The following DRICH1 variants were observed in gnomAD, a reference collection of about 807,000 sequenced individuals.
DRICH1 encodes the protein aspartate-rich protein 1.
In DRICH1, 38 loss-of-function variants were observed where a neutral mutation model predicts 39.5. The observed-to-expected ratio is 0.96, with a 90% CI of 0.74 to 1.26. The LOEUF is 1.26. DRICH1 is among the 50% of genes most tolerant of loss of function. DRICH1 has a pLI of 0.00. For missense variants in DRICH1, 279 were observed against 270.4 expected (o/e 1.03, Z -0.22); for synonymous variants, 84 against 99.5 (o/e 0.84, Z 0.93).
At position 23,608,761 on chromosome 22, in the gene DRICH1, G is replaced by A. The variant is rs943445714; in HGVS notation, c.*3C>T. On this transcript the variant is annotated 3_prime_UTR_variant, in exon 12 of 12. Coordinates refer to ENST00000317749, the MANE Select transcript of DRICH1 (RefSeq NM_016449.4). ...GCACCCTGGTCAGCTCCACAGAAGG[G>A]CTTCACCCTGGATGAAGAGATAATC... The A allele has an allele frequency of 1.3e-5, 21 of 1,560,082 alleles. No homozygotes were observed. The highest frequency in any genetic ancestry group is 1.9e-5 in the Admixed American group (1 of 52,146).
At chr22:23,628,304 C>T (rs1443600069) in intron 1 of DRICH1, among the ~76,000 whole-genome samples, 3 of 152,168 alleles carry the variant, frequency 2.0e-5, no homozygotes, top group Non-Finnish European at 2.9e-5. Flanking sequence ...CAGTGGCTCA[C>T]GCCTGTAATC....
chr22:23,625,230 TGAAAA>T (rs1305022341), intron 2 of DRICH1, among the ~76,000 whole-genome samples: 2 of 152,180 alleles, frequency 1.3e-5, no homozygotes, highest in African/African-American at 4.8e-5. Flanking sequence ...ATGTATTAGA[TGAAAA>T]GAAACTCCCA....
intron 4 of DRICH1, among the ~76,000 whole-genome samples, chr22:23,621,725 C>G (rs1468255208): frequency 6.6e-6 from 1 of 152,024 alleles, no homozygotes; most frequent in Admixed American, 6.6e-5. Context: ...ACCAGCCTGG[C>G]CAAAATGGTA....
chr22:23,582,774 T>G, the DRICH1 span, among the ~76,000 whole-genome samples: 1 of 152,016 alleles, frequency 6.6e-6, no homozygotes. Context: ...TTGATCAGGC[T>G]GGTCCCGAAC....
At chr22:23,594,021 A>G in the DRICH1 span, among the ~76,000 whole-genome samples, 1 of 151,878 alleles carries the variant, frequency 6.6e-6, no homozygotes, top group South Asian at 2.1e-4. Flanking sequence ...AAGGCATCCT[A>G]AGGGACTATG....
rs766287574 is a variant in DRICH1, at chr22:23,614,123, G to C, written c.621+12C>G. On this transcript the variant is annotated intron_variant, in intron 9 of 11. Coordinates refer to ENST00000317749, the MANE Select transcript of DRICH1 (RefSeq NM_016449.4). ...AACATTGCTGTAGAAGACAAAAAAA[G>C]GGAGGTCTTACGTGGATGTCATCAT... 1 of 1,583,512 alleles carries C rather than the reference G, an allele frequency of 6.3e-7. No homozygotes were observed. Among genetic ancestry groups the C allele is most frequent in the South Asian group, 1.1e-5 (1 of 89,914 alleles).
the DRICH1 span, among the ~76,000 whole-genome samples, chr22:23,599,369 C>G: frequency 6.6e-6 from 1 of 152,230 alleles, no homozygotes; most frequent in Non-Finnish European, 1.5e-5. Flanking sequence ...CTCCCTGCAT[C>G]CTCTGCCCAT....
downstream of DRICH1, among the ~76,000 whole-genome samples, chr22:23,604,489 C>G (rs918469193): frequency 6.6e-6 from 1 of 152,178 alleles, no homozygotes; most frequent in Non-Finnish European, 1.5e-5. Context: ...CCTCTGGGAC[C>G]TCAGCCCTGG....
chr22:23,601,846 T>C, the DRICH1 span, among the ~76,000 whole-genome samples: 1 of 152,230 alleles, frequency 6.6e-6, no homozygotes, highest in Non-Finnish European at 1.5e-5. Context: ...AAAGCAACAG[T>C]ATAGGGTCAG....
At chr22:23,590,760 G>A in the DRICH1 span, among the ~76,000 whole-genome samples, 9 of 151,958 alleles carry the variant, frequency 5.9e-5, no homozygotes, top group East Asian at 7.8e-4. Flanking sequence ...CACCACGCCC[G>A]GATATATAAA....
rs1388710106 is a variant in DRICH1, at chr22:23,632,092, G to A, written c.-69C>T. The A allele has an allele frequency of 2.5e-6, 4 of 1,598,118 alleles. No individual in the cohort carries two copies. Among genetic ancestry groups the A allele is most frequent in the Non-Finnish European group, 3.4e-6 (4 of 1,172,434 alleles). On this transcript the variant is annotated 5_prime_UTR_variant, in exon 1 of 12. Coordinates refer to ENST00000317749, the MANE Select transcript of DRICH1 (RefSeq NM_016449.4). Reference sequence around the variant, plus strand: ...AAATTGTAACTGTGCTGCCCTAGCAGCCACACTACTGAGGGTGGCCCTGCA... The same window carrying A: ...AAATTGTAACTGTGCTGCCCTAGCAACCACACTACTGAGGGTGGCCCTGCA...
At chr22:23,613,930 T>A (rs1269025233) in intron 9 of DRICH1, among the ~76,000 whole-genome samples, 1 of 152,194 alleles carries the variant, frequency 6.6e-6, no homozygotes, top group African/African-American at 2.4e-5. Context: ...GTATTCCAGT[T>A]GATAATGGAT....
intron 1 of DRICH1, among the ~76,000 whole-genome samples, chr22:23,628,970 A>G (rs1461355957): frequency 6.6e-6 from 1 of 152,164 alleles, no homozygotes; most frequent in Non-Finnish European, 1.5e-5. Flanking sequence ...TCCTACTCAG[A>G]AGGGGTCTCA....
chr22:23,630,719 A>G (rs1928338577), intron 1 of DRICH1: 3 of 152,186 alleles, frequency 2.0e-5, no homozygotes, highest in African/African-American at 7.2e-5. Context: ...ACAAACCCAC[A>G]TCATCTAAAT....
intron 9 of DRICH1, 51 bp downstream of exon 9, chr22:23,614,084 G>A (rs1927201982): frequency 8.4e-7 from 1 of 1,185,122 alleles, no homozygotes. Context: ...GAGAAATAAA[G>A]GAATCAGGAA....
chr22:23,603,645 G>T (rs2123746711), downstream of DRICH1, among the ~76,000 whole-genome samples: 1 of 152,214 alleles, frequency 6.6e-6, no homozygotes, highest in South Asian at 2.1e-4. Flanking sequence ...GCCTTTGAGG[G>T]GCGCCCAGCA....
the DRICH1 span, among the ~76,000 whole-genome samples, chr22:23,588,810 C>T: frequency 6.6e-6 from 1 of 152,108 alleles, no homozygotes; most frequent in Non-Finnish European, 1.5e-5. Flanking sequence ...ATTCTGACCC[C>T]AAATCATATG....
intron 1 of DRICH1, among the ~76,000 whole-genome samples, chr22:23,627,542 A>G (rs1215557794): frequency 6.6e-6 from 1 of 152,038 alleles, no homozygotes; most frequent in East Asian, 1.9e-4. Flanking sequence ...CCATATGTTT[A>G]TGGTTACTTC....
chr22:23,622,680 T>TGTGTGA (rs1927825474), intron 3 of DRICH1, among the ~76,000 whole-genome samples: 3 of 86,664 alleles, frequency 3.5e-5, no homozygotes, highest in African/African-American at 1.3e-4. Flanking sequence ...ATAGAGACCA[T>TGTGTGA]TTAAAAAAGA....
Sources: gnomAD v4.1 joint callset for allele counts (sites outside exome capture counted in the v4.1 genomes callset) on GRCh38, gnomAD v4.1.1 for gene constraint, MANE v1.5 for transcripts, NCBI Gene and HGNC (gene_info 2026-07-23, HGNC 2026-07-21) for gene names.